MTA3: variants seen among roughly 807,000 people sequenced by gnomAD.
MTA3 encodes the protein metastasis-associated protein MTA3.
MTA3 carries 34 observed loss-of-function variants against 83.5 expected under a neutral mutation model. The observed-to-expected ratio is 0.41, with a 90% CI of 0.31 to 0.54. The LOEUF (loss-of-function observed/expected upper bound fraction) is 0.54. Ranked by LOEUF, MTA3 falls within the 20% of genes least tolerant of loss-of-function variation. The pLI is 0.33. For missense variants in MTA3, 761 were observed against 726.4 expected (o/e 1.05, Z -0.55); for synonymous variants, 303 against 252.7 (o/e 1.20, Z -1.89).
chr2:42,673,927 A>C (rs1441197017), intron 8 of MTA3, among the ~76,000 whole-genome samples: 1 of 152,234 alleles, frequency 6.6e-6, no homozygotes, highest in Non-Finnish European at 1.5e-5. Flanking sequence ...TTTAGTCTCA[A>C]AGAGGAAAAC....
chr2:42,712,432 TGGG>T (rs1172546831), intron 14 of MTA3, among the ~76,000 whole-genome samples: 2 of 152,150 alleles, frequency 1.3e-5, no homozygotes, highest in African/African-American at 4.8e-5. Context: ...GGTGGGACTA[TGGG>T]TGTGGCCCAC....
intron 4 of MTA3, among the ~76,000 whole-genome samples, chr2:42,620,554 G>A (rs1685420657): frequency 1.3e-5 from 2 of 152,160 alleles, no homozygotes; most frequent in Non-Finnish European, 2.9e-5. Flanking sequence ...GTACAGTGGT[G>A]TCATCACGGC....
At chr2:42,605,087 T>C (rs1438566422) in intron 3 of MTA3, among the ~76,000 whole-genome samples, 1 of 151,022 alleles carries the variant, frequency 6.6e-6, no homozygotes, top group Non-Finnish European at 1.5e-5. Context: ...CCGTTCTCAA[T>C]GAGCTGTTGG....
chr2:42,754,562 G>C lies in MTA3; in HGVS notation c.*1163G>C. The C allele has an allele frequency of 2.0e-6, 2 of 985,486 alleles. No individual in the cohort carries two copies. The highest frequency in any genetic ancestry group is 9.4e-5 in the South Asian group (2 of 21,286). 61.0% of individuals were successfully genotyped at this position (985,486 alleles called of 1,614,324 possible). Reference sequence around the variant, plus strand: ...CTTGTGCTGGCAGCTGCAAGGATAGGAATAGCTCAGCGCCCGATGAGCTCC... The same window carrying C: ...CTTGTGCTGGCAGCTGCAAGGATAGCAATAGCTCAGCGCCCGATGAGCTCC... On this transcript the variant is annotated 3_prime_UTR_variant, in exon 17 of 17. Transcript: ENST00000405094.
intron 14 of MTA3, among the ~76,000 whole-genome samples, chr2:42,715,986 A>C (rs1219131664): frequency 6.6e-6 from 1 of 152,214 alleles, no homozygotes; most frequent in Non-Finnish European, 1.5e-5. Context: ...TAATATTAGC[A>C]AGAAATTATG....
intron 14 of MTA3, among the ~76,000 whole-genome samples, chr2:42,710,976 G>A (rs1211591045): frequency 2.0e-5 from 3 of 152,096 alleles, no homozygotes; most frequent in African/African-American, 7.2e-5. Flanking sequence ...CTGCTTGGAA[G>A]GCTGAGGCAA....
intron 3 of MTA3, among the ~76,000 whole-genome samples, chr2:42,589,744 G>A (rs1303560871): frequency 6.6e-6 from 1 of 152,148 alleles, no homozygotes; most frequent in East Asian, 1.9e-4. Context: ...GTAGAGACAA[G>A]TTTCACCATG....
At chr2:42,747,436 G>T (rs13389948) in intron 16 of MTA3, among the ~76,000 whole-genome samples, 49,694 of 151,806 alleles carry the variant, frequency 0.33, 8,349 homozygotes, top group Admixed American at 0.41. Flanking sequence ...CACCGGGGTG[G>T]GGGTGCAGAA....
rs35112138 is a variant in MTA3 at position 42,623,697 on chromosome 2, A to ATTT, written c.317+14130_317+14132dup. Among the ~76,000 whole-genome samples, 169 of 128,148 alleles carry ATTT rather than the reference A, an allele frequency of 1.3e-3. 2 individuals carry two copies. The highest frequency in any genetic ancestry group is 2.0e-3 in the Non-Finnish European group (121 of 61,716). The allele number at this position is 128,148 out of a possible 152,430, so 84.1% of individuals were successfully genotyped here. ...TTGAGTTTTCATCTTGGTAGTTCAG[A>ATTT]TTTTTTTTTTTTTTTTTTTGAGACA... On this transcript the variant is annotated intron_variant, in intron 4 of 16. Transcript: ENST00000405094.
At chr2:42,704,350 C>T (rs558209399) in intron 12 of MTA3, 32 bp downstream of exon 12, 18 of 1,611,888 alleles carry the variant, frequency 1.1e-5, no homozygotes, top group East Asian at 2.2e-5. Context: ...AGTTAAGCAT[C>T]GGGAACTGTT....
At chr2:42,672,181 C>G (rs940221710) in intron 8 of MTA3, among the ~76,000 whole-genome samples, 2 of 151,994 alleles carry the variant, frequency 1.3e-5, no homozygotes, top group African/African-American at 2.4e-5. Context: ...GACCTATTGT[C>G]CCCTGTAGCT....
Position 42,750,415 on chromosome 2 carries a change from T to A in MTA3, c.1760-2959T>A, listed in dbSNP as rs546311767. Among the ~76,000 whole-genome samples, 7 of 151,848 alleles carry A rather than the reference T, an allele frequency of 4.6e-5. No individual in the cohort carries two copies. The South Asian group carries it at 8.4e-4, about 18-fold the overall frequency. On this transcript the variant is annotated intron_variant, in intron 16 of 16. Transcript: ENST00000405094. ...TGTTAGAGGGTCTTTGTTTTTTTTT[T>A]CCCTGGTGACCTTTGTTGTCAAACA...
intron 3 of MTA3, among the ~76,000 whole-genome samples, chr2:42,601,575 A>G (rs1398268150): frequency 2.6e-5 from 4 of 152,306 alleles, no homozygotes; most frequent in South Asian, 2.1e-4. Flanking sequence ...TTTTGTAGAC[A>G]TGAGGTGTTA....
At chr2:42,620,895 A>G (rs1212867881) in intron 4 of MTA3, among the ~76,000 whole-genome samples, 1 of 152,104 alleles carries the variant, frequency 6.6e-6, no homozygotes, top group East Asian at 1.9e-4. Context: ...TGAAAGCTAA[A>G]CTATGTTTAT....
chr2:42,643,046 C>CTT (rs796628589), intron 5 of MTA3, among the ~76,000 whole-genome samples: 9 of 65,186 alleles, frequency 1.4e-4, no homozygotes, highest in African/African-American at 5.2e-4. Flanking sequence ...CCCCCCCCCC[C>CTT]TTTTTTTTTT....
At chr2:42,560,461 C>T (rs564153345) in intron 2 of MTA3, among the ~76,000 whole-genome samples, 21 of 149,580 alleles carry the variant, frequency 1.4e-4, no homozygotes, top group Non-Finnish European at 2.5e-4. Flanking sequence ...GCCAACAATG[C>T]GAAAGGCTTG....
At chr2:42,712,127 A>T (rs949244148) in intron 14 of MTA3, among the ~76,000 whole-genome samples, 1 of 152,160 alleles carries the variant, frequency 6.6e-6, no homozygotes, top group Non-Finnish European at 1.5e-5. Flanking sequence ...GAAAGTGAAG[A>T]AATGGGAGCT....
At chr2:42,635,356 AGTGG>A in intron 4 of MTA3, among the ~76,000 whole-genome samples, 1 of 152,162 alleles carries the variant, frequency 6.6e-6, no homozygotes, top group Non-Finnish European at 1.5e-5. Flanking sequence ...GGCCGGGCAA[AGTGG>A]CTCATGTCTG....
chr2:42,562,207 A>G (rs1318918886), intron 2 of MTA3, among the ~76,000 whole-genome samples: 1 of 152,026 alleles, frequency 6.6e-6, no homozygotes, highest in Non-Finnish European at 1.5e-5. Flanking sequence ...GGATAATCTC[A>G]TCTTGAGATC....
Sources: allele counts gnomAD v4.1 joint callset (sites outside exome capture counted in the v4.1 genomes callset), GRCh38; gene constraint gnomAD v4.1.1; transcripts MANE v1.5; gene names NCBI Gene and HGNC (gene_info 2026-07-23, HGNC 2026-07-21).